The following CHP1 variants were observed in gnomAD, a reference collection of about 807,000 sequenced individuals.
CHP1 encodes calcineurin B homologous protein 1.
A neutral mutation model predicts 27.4 loss-of-function variants in CHP1; 11 were observed. The observed-to-expected ratio is 0.40, with a 90% CI of 0.25 to 0.67. The LOEUF (loss-of-function observed/expected upper bound fraction) is 0.67, where lower values mean the gene tolerates loss of function less well. Among genes scored for constraint, CHP1 ranks in the 30% least tolerant of loss-of-function variants. The pLI is 0.38. For synonymous variants in CHP1, 89 were observed against 87.4 expected, an observed-to-expected ratio of 1.02 and a Z score of -0.10; for missense variants, 169 against 251.3, an observed-to-expected ratio of 0.67 and a Z score of 2.22.
At chr15:41,252,178 T>G (rs2140930978) in intron 2 of CHP1, among the ~76,000 whole-genome samples, 1 of 152,048 alleles carries the variant, frequency 6.6e-6, no homozygotes, top group East Asian at 1.9e-4. Flanking sequence ...GTATTTTCTT[T>G]TCTTTTTTTT....
chr15:41,268,223 A>G (rs905396101), intron 4 of CHP1, among the ~76,000 whole-genome samples: 2 of 152,238 alleles, frequency 1.3e-5, no homozygotes, highest in Non-Finnish European at 2.9e-5. Flanking sequence ...ATGTCACTAT[A>G]GAAAGAGTGG....
At chr15:41,276,286 A>G (rs1694595565) in intron 5 of CHP1, among the ~76,000 whole-genome samples, 1 of 152,076 alleles carries the variant, frequency 6.6e-6, no homozygotes, top group Admixed American at 6.5e-5. Context: ...AGAAGGGAGT[A>G]AAGGAGTGGA....
chr15:41,264,426 C>A (rs538480922), intron 4 of CHP1, among the ~76,000 whole-genome samples: 1 of 152,010 alleles, frequency 6.6e-6, no homozygotes, highest in South Asian at 2.1e-4. Context: ...GCAGGTTATG[C>A]TTGGTTTTAT....
At chr15:41,243,765 C>T in intron 2 of CHP1, 26 bp downstream of exon 2, 1 of 1,604,480 alleles carries the variant, frequency 6.2e-7, no homozygotes, top group Non-Finnish European at 8.5e-7. Flanking sequence ...CTTTATTTTC[C>T]TCACAGAAAC....
At chr15:41,247,570 G>C (rs1422935842) in intron 2 of CHP1, among the ~76,000 whole-genome samples, 1 of 152,130 alleles carries the variant, frequency 6.6e-6, no homozygotes, top group Non-Finnish European at 1.5e-5. Flanking sequence ...TACTTGGGAG[G>C]CTGAGGCAGG....
chr15:41,245,416 G>T (rs2047329545), intron 2 of CHP1, among the ~76,000 whole-genome samples: 1 of 152,234 alleles, frequency 6.6e-6, no homozygotes, highest in Non-Finnish European at 1.5e-5. Context: ...GGGAGGTGGA[G>T]GTTGCAGTGA....
At chr15:41,236,831 T>TC in intron 1 of CHP1, among the ~76,000 whole-genome samples, 1 of 109,600 alleles carries the variant, frequency 9.1e-6, no homozygotes, top group South Asian at 3.0e-4. Flanking sequence ...CTTAATACTA[T>TC]CTTTTTTTTT....
chr15:41,259,611 A>G (rs2047421431), intron 3 of CHP1, among the ~76,000 whole-genome samples: 1 of 151,574 alleles, frequency 6.6e-6, no homozygotes, highest in African/African-American at 2.4e-5. Flanking sequence ...TTATGCTAGC[A>G]ATAATCATTA....
intron 2 of CHP1, among the ~76,000 whole-genome samples, chr15:41,254,310 T>G (rs549006332): frequency 6.6e-6 from 1 of 152,210 alleles, no homozygotes; most frequent in Non-Finnish European, 1.5e-5. Context: ...AAACTGCCTT[T>G]TCTCAGCTAA....
At chr15:41,258,423 A>G (rs925812077) in intron 3 of CHP1, among the ~76,000 whole-genome samples, 2 of 152,116 alleles carry the variant, frequency 1.3e-5, no homozygotes, top group African/African-American at 4.8e-5. Context: ...CAATTTTGTC[A>G]TCCAATAATC....
rs749183469 is a variant in CHP1, at chr15:41,243,629, T to C, written c.68-38T>C. On this transcript the variant is annotated intron_variant, in intron 1 of 6. Transcript: ENST00000334660. ...GGGTGGGTTCAGTGTGAATGAGGGCTACTTCCCCCGAGCTGGGACTAATTT... is the reference window on the plus strand; with the variant it reads ...GGGTGGGTTCAGTGTGAATGAGGGCCACTTCCCCCGAGCTGGGACTAATTT... 6 of 1,587,288 alleles carry C rather than the reference T, an allele frequency of 3.8e-6. No individual in the cohort carries two copies. The South Asian group carries it at 6.6e-5, about 18-fold the overall frequency.
At position 41,238,366 on chromosome 15, in the gene CHP1, G is replaced by GC. The variant is rs1448116465; in HGVS notation, c.68-5298dup. On this transcript the variant is annotated intron_variant, in intron 1 of 6. Transcript: ENST00000334660. Reference sequence around the variant, plus strand: ...TATAGAGATGAAGTCTTGCTTTGTTGCCCAGGCTAGTTTTGAACTGGCCTT... The same window carrying GC: ...TATAGAGATGAAGTCTTGCTTTGTTGCCCCAGGCTAGTTTTGAACTGGCCTT... Among the ~76,000 whole-genome samples the GC allele has an allele frequency of 2.0e-5, 3 of 151,616 alleles. No individual in the cohort carries two copies. The East Asian group carries it at 5.9e-4, about 30-fold the overall frequency.
chr15:41,252,934 T>G (rs1054418818), intron 2 of CHP1, among the ~76,000 whole-genome samples: 2 of 122,408 alleles, frequency 1.6e-5, no homozygotes, highest in Non-Finnish European at 3.4e-5. Context: ...ATGGTTTTTT[T>G]TTTTTTTTTT....
At chr15:41,260,631 G>A (rs2047428223) in intron 3 of CHP1, among the ~76,000 whole-genome samples, 1 of 152,000 alleles carries the variant, frequency 6.6e-6, no homozygotes. Flanking sequence ...CTGACCTCAG[G>A]TGATCCACCC....
intron 1 of CHP1, among the ~76,000 whole-genome samples, chr15:41,238,111 G>A (rs907673838): frequency 3.3e-5 from 5 of 152,100 alleles, no homozygotes. Flanking sequence ...ATGCAGTGAT[G>A]ATAGAAAGAT....
At chr15:41,247,975 A>AT (rs2047344617) in intron 2 of CHP1, among the ~76,000 whole-genome samples, 2 of 125,604 alleles carry the variant, frequency 1.6e-5, no homozygotes, top group South Asian at 5.2e-4. Flanking sequence ...TCTCAAATAA[A>AT]AAAATAAATA....
intron 4 of CHP1, among the ~76,000 whole-genome samples, chr15:41,266,353 A>G (rs534169957): frequency 1.3e-5 from 2 of 151,938 alleles, no homozygotes; most frequent in African/African-American, 4.8e-5. Flanking sequence ...ACAGGTGGAT[A>G]GTGTTTAAAA....
chr15:41,273,427 G>A (rs951503864), intron 5 of CHP1, among the ~76,000 whole-genome samples: 5 of 151,864 alleles, frequency 3.3e-5, no homozygotes, highest in Non-Finnish European at 7.4e-5. Flanking sequence ...TGTCGCCCAG[G>A]CTGGAGAGCA....
chr15:41,253,298 A>G (rs2047380074), intron 2 of CHP1, among the ~76,000 whole-genome samples: 1 of 151,538 alleles, frequency 6.6e-6, no homozygotes, highest in Non-Finnish European at 1.5e-5. Context: ...TTTTTCTATT[A>G]GGTTTATGTT....
Sources: gnomAD v4.1 joint callset for allele counts (sites outside exome capture counted in the v4.1 genomes callset) on GRCh38, gnomAD v4.1.1 for gene constraint, MANE v1.5 for transcripts, NCBI Gene and HGNC (gene_info 2026-07-23, HGNC 2026-07-21) for gene names.